CRPPA: variants seen among roughly 807,000 people sequenced by gnomAD.
CRPPA encodes D-ribitol-5-phosphate cytidylyltransferase.
Under a neutral mutation model 52.0 loss-of-function variants are expected in CRPPA, and 43 were observed. The ratio of observed to expected loss-of-function variants is 0.83; its 90% CI spans 0.65 to 1.07. The LOEUF (loss-of-function observed/expected upper bound fraction) is 1.07. Among genes scored for constraint, CRPPA ranks in the 50% least tolerant of loss-of-function variants. The pLI, the probability that CRPPA is intolerant of heterozygous loss-of-function variation, is 0.00. For synonymous variants in CRPPA, 250 were observed against 203.5 expected (o/e 1.23, Z -1.94); for missense variants, 629 against 551.7 (o/e 1.14, Z -1.40).
chr7:16,107,257 C>T (rs941249079), intron 9 of CRPPA, among the ~76,000 whole-genome samples: 4 of 151,802 alleles, frequency 2.6e-5, no homozygotes, highest in African/African-American at 9.7e-5. Context: ...ATGCCAACAC[C>T]CAAGGACAGA....
At chr7:16,378,163 G>C (rs903052025) in intron 2 of CRPPA, among the ~76,000 whole-genome samples, 1 of 151,542 alleles carries the variant, frequency 6.6e-6, no homozygotes, top group Admixed American at 6.6e-5. Flanking sequence ...ACAATGTGCA[G>C]GTTAGTTACA....
intron 9 of CRPPA, among the ~76,000 whole-genome samples, chr7:16,178,999 G>A (rs1781359040): frequency 6.6e-6 from 1 of 151,858 alleles, no homozygotes; most frequent in Non-Finnish European, 1.5e-5. Context: ...GTATGCCTTT[G>A]GAGTGTTTCA....
Position 16,236,950 on chromosome 7 carries a change from G to GCA in CRPPA, c.1120-20755_1120-20754dup, listed in dbSNP as rs67679435. ...AAGCTTTAAGAGCTTTCGTGCGCGC[G>GCA]CACACACACACACACACACACAAAC... On this transcript the variant is annotated intron_variant, in intron 8 of 9. Coordinates refer to ENST00000407010, the MANE Select transcript of CRPPA (RefSeq NM_001101426.4). Among the ~76,000 whole-genome samples, 1,316 of 149,678 alleles carry GCA rather than the reference G, an allele frequency of 8.8e-3. 9 individuals carry two copies. Among genetic ancestry groups the GCA allele is most frequent in the South Asian group, 0.017 (82 of 4,700 alleles).
rs539461428 is a variant in CRPPA, at chr7:16,367,778, C to T, written c.684+8314G>A. ...CTACCCACAGATAAGCGACGGGAAT[C>T]TTTAAAAATGCGGGGAGGGGTTGTT... On this transcript the variant is annotated intron_variant, in intron 3 of 9. Coordinates refer to ENST00000407010, the MANE Select transcript of CRPPA (RefSeq NM_001101426.4). Among the ~76,000 whole-genome samples, 54 of 152,268 alleles carry T rather than the reference C, an allele frequency of 3.5e-4. 1 individual carries two copies. The South Asian group carries it at 7.5e-3, about 21-fold the overall frequency.
At chr7:16,130,882 AG>A (rs900737648) in intron 9 of CRPPA, among the ~76,000 whole-genome samples, 4 of 152,068 alleles carry the variant, frequency 2.6e-5, no homozygotes, top group African/African-American at 9.7e-5. Flanking sequence ...ATAAGGACAG[AG>A]CCATCATTAC....
intron 9 of CRPPA, among the ~76,000 whole-genome samples, chr7:16,103,971 T>C (rs1782099796): frequency 6.6e-6 from 1 of 152,118 alleles, no homozygotes; most frequent in Non-Finnish European, 1.5e-5. Flanking sequence ...ATGGGCCAAT[T>C]CAAACATACC....
At chr7:16,231,746 G>T (rs867142257) in intron 8 of CRPPA, among the ~76,000 whole-genome samples, 3 of 152,134 alleles carry the variant, frequency 2.0e-5, no homozygotes, top group Admixed American at 6.5e-5. Context: ...CTACCCAAGG[G>T]GGGAGTACTA....
At chr7:16,100,206 C>T (rs368577393) in intron 9 of CRPPA, among the ~76,000 whole-genome samples, 1 of 152,262 alleles carries the variant, frequency 6.6e-6, no homozygotes. Context: ...AAAATGGTTT[C>T]CCAGTAACTG....
chr7:16,179,457 A>G (rs538018116), intron 9 of CRPPA, among the ~76,000 whole-genome samples: 1 of 152,220 alleles, frequency 6.6e-6, no homozygotes, highest in South Asian at 2.1e-4. Flanking sequence ...GGGGCCCAAC[A>G]TAATCACAGG....
chr7:16,225,024 A>G (rs1358259137), intron 8 of CRPPA, among the ~76,000 whole-genome samples: 1 of 152,142 alleles, frequency 6.6e-6, no homozygotes, highest in Non-Finnish European at 1.5e-5. Context: ...AATAAAATAC[A>G]GGCAAAACTA....
chr7:16,338,069 C>T (rs1445711419), intron 3 of CRPPA, among the ~76,000 whole-genome samples: 1 of 152,072 alleles, frequency 6.6e-6, no homozygotes, highest in Non-Finnish European at 1.5e-5. Context: ...GCTAATATCC[C>T]TAATGAACAT....
chr7:16,154,855 T>TGGAGC (rs1783143400), intron 9 of CRPPA, among the ~76,000 whole-genome samples: 1 of 151,596 alleles, frequency 6.6e-6, no homozygotes, highest in Non-Finnish European at 1.5e-5. Flanking sequence ...CTGCCCAGGC[T>TGGAGC]GGAGCGCAGT....
chr7:16,168,720 G>A (rs952254914), intron 9 of CRPPA, among the ~76,000 whole-genome samples: 11 of 152,032 alleles, frequency 7.2e-5, no homozygotes, highest in African/African-American at 2.4e-4. Context: ...GAAACTCAAT[G>A]GCTGTACAAA....
At chr7:16,283,546 C>T (rs1583490813) in intron 5 of CRPPA, among the ~76,000 whole-genome samples, 1 of 149,906 alleles carries the variant, frequency 6.7e-6, no homozygotes, top group Non-Finnish European at 1.5e-5. Flanking sequence ...TATAGATATA[C>T]TATATATGTG....
intron 9 of CRPPA, among the ~76,000 whole-genome samples, chr7:16,098,807 TG>T (rs1280513638): frequency 6.6e-6 from 1 of 152,172 alleles, no homozygotes; most frequent in East Asian, 1.9e-4. Context: ...AACTTTTCAG[TG>T]TATGTCAATT....
intron 9 of CRPPA, among the ~76,000 whole-genome samples, chr7:16,128,257 C>T (rs1782617663): frequency 6.6e-6 from 1 of 151,948 alleles, no homozygotes; most frequent in Admixed American, 6.6e-5. Flanking sequence ...TATGTACCCT[C>T]AACCTTAAAA....
At chr7:16,377,993 A>G (rs1011415714) in intron 2 of CRPPA, among the ~76,000 whole-genome samples, 3 of 152,184 alleles carry the variant, frequency 2.0e-5, no homozygotes, top group Admixed American at 6.5e-5. Context: ...AGAGTCTTCT[A>G]CTGCCCTCAT....
chr7:16,317,018 T>C (rs1317282792), intron 3 of CRPPA, among the ~76,000 whole-genome samples: 1 of 152,210 alleles, frequency 6.6e-6, no homozygotes, highest in Non-Finnish European at 1.5e-5. Context: ...TTTTTTCTAA[T>C]AGTAATTTAA....
intron 9 of CRPPA, among the ~76,000 whole-genome samples, chr7:16,215,458 T>G (rs184898540): frequency 8.1e-4 from 123 of 152,342 alleles, no homozygotes; most frequent in South Asian, 1.4e-3. Flanking sequence ...GGTAGCTCAT[T>G]GTGCTTTCAG....
Sources: allele counts gnomAD v4.1 joint callset (sites outside exome capture counted in the v4.1 genomes callset), GRCh38; gene constraint gnomAD v4.1.1; transcripts MANE v1.5; gene names NCBI Gene and HGNC (gene_info 2026-07-23, HGNC 2026-07-21).